Variants in ZC3H6 observed in about 807,000 individuals in gnomAD.
ZC3H6 encodes the protein zinc finger CCCH domain-containing protein 6.
ZC3H6 carries 40 observed loss-of-function variants against 107.7 expected under a neutral mutation model. That is an observed-to-expected ratio of 0.37 (90% CI 0.29 to 0.48). The LOEUF is 0.48. Among genes scored for constraint, ZC3H6 ranks in the 20% least tolerant of loss-of-function variants. The pLI is 0.98. For missense variants in ZC3H6, 1,267 were observed against 1,410.4 expected (o/e 0.90, Z 1.63); for synonymous variants, 493 against 487.9 (o/e 1.01, Z -0.14).
intron 3 of ZC3H6, 62 bp from the exon 4 acceptor site, chr2:112,309,823 G>C (rs1676560682): frequency 6.8e-7 from 1 of 1,479,578 alleles, no homozygotes; most frequent in South Asian, 1.3e-5. Flanking sequence ...GATGTCCTGT[G>C]CTACTGTCAA....
At position 112,324,359 on chromosome 2, in the gene ZC3H6, A is replaced by C; in HGVS notation, c.1548A>C (p.Pro516=). ...CTGGTCTACCAGTGCCACAGAGCCC[A>C]CCTTTACCACCTGGTCCACCTGAAA... ...GPPGLPVPQS[P]PLPPGPPEIV... The change falls in exon 10 of 12, where the codon CCA becomes CCC. Residue 516 remains proline, a synonymous_variant. Coordinates refer to ENST00000409871, the MANE Select transcript of ZC3H6 (RefSeq NM_198581.3). 6.2e-7 allele frequency: 1 copy of C among 1,613,954 alleles called. No homozygotes were observed. Among genetic ancestry groups the C allele is most frequent in the South Asian group, 1.1e-5 (1 of 91,084 alleles).
intron 1 of ZC3H6, among the ~76,000 whole-genome samples, chr2:112,286,582 C>A (rs113428223): frequency 6.6e-6 from 1 of 152,168 alleles, no homozygotes; most frequent in Non-Finnish European, 1.5e-5. Context: ...GGACTATGGG[C>A]GCACAACACC....
At position 112,332,233 on chromosome 2, in the gene ZC3H6, C is replaced by A; in HGVS notation, c.3315C>A (p.Val1105=). 6.2e-7 allele frequency: 1 copy of A among 1,613,954 alleles called. No individual in the cohort carries two copies. Among genetic ancestry groups the A allele is most frequent in the Non-Finnish European group, 8.5e-7 (1 of 1,179,876 alleles). The change falls in exon 12 of 12, where the codon GTC becomes GTA. Residue 1105 remains valine (V), a synonymous_variant. Transcript: ENST00000409871. ...AAAAACCCAGTCCAAACGTGGGAGT[C>A]ACTCTTGAGGGGCCAGCTGACCCAC... ...LPQKPSPNVG[V]TLEGPADPQA... is the part of the protein sequence containing the mutation.
At chr2:112,330,304 C>T (rs961192821) in intron 11 of ZC3H6, among the ~76,000 whole-genome samples, 3 of 152,100 alleles carry the variant, frequency 2.0e-5, no homozygotes, top group Admixed American at 1.3e-4. Context: ...CCGCCCACCT[C>T]GGCCTCCCAA....
intron 1 of ZC3H6, among the ~76,000 whole-genome samples, chr2:112,298,164 AT>A (rs1466161548): frequency 8.4e-6 from 1 of 119,230 alleles, no homozygotes; most frequent in Non-Finnish European, 1.7e-5. Context: ...TAAAAAATTT[AT>A]TTTTTTCAGA....
At chr2:112,319,453 C>T (rs1415693505) in intron 7 of ZC3H6, among the ~76,000 whole-genome samples, 2 of 152,148 alleles carry the variant, frequency 1.3e-5, no homozygotes, top group Non-Finnish European at 2.9e-5. Context: ...CAAGACCAAC[C>T]TGGCCAACAT....
chr2:112,330,383 A>C (rs1274998853), intron 11 of ZC3H6, among the ~76,000 whole-genome samples: 1 of 152,164 alleles, frequency 6.6e-6, no homozygotes, highest in Non-Finnish European at 1.5e-5. Context: ...TAATGTTTGA[A>C]TAGCTAATAT....
At chr2:112,305,960 T>A (rs1319366912) in intron 3 of ZC3H6, among the ~76,000 whole-genome samples, 1 of 152,190 alleles carries the variant, frequency 6.6e-6, no homozygotes, top group Non-Finnish European at 1.5e-5. Flanking sequence ...TTTATTTATT[T>A]ATTTGAGACA....
chr2:112,275,837 G>A lies in ZC3H6; in HGVS notation c.-158G>A. 1 of 565,532 alleles carries A rather than the reference G, an allele frequency of 1.8e-6. No homozygotes were observed. Among genetic ancestry groups the A allele is most frequent in the Non-Finnish European group, 3.1e-6 (1 of 318,410 alleles). The allele number at this position is 565,532 out of a possible 1,614,324, so 35.0% of individuals were successfully genotyped here. A position where few individuals can be genotyped will look rare whatever the true frequency, so the allele number is the denominator to read the frequency against. ...TTAATAGACTGGAAAGTCTGTGTCT[G>A]TGTCGCTCACTAGTAACCGTGAGTT... On this transcript the variant is annotated 5_prime_UTR_variant, in exon 1 of 12. It adds an upstream start codon to the 5' untranslated region. Coordinates refer to ENST00000409871, the MANE Select transcript of ZC3H6 (RefSeq NM_198581.3).
rs577752751 is a variant in ZC3H6, at chr2:112,333,753, A to G, written c.*1265A>G. The G allele has an allele frequency of 6.6e-6, 1 of 152,248 alleles. No homozygotes were observed. Among genetic ancestry groups the G allele is most frequent in the South Asian group, 2.1e-4 (1 of 4,834 alleles). The allele number at this position is 152,248 out of a possible 1,614,324, so 9.4% of individuals were successfully genotyped here. ...CAGGTGTAGGACAGTGTTTGCTGGTAACAACTCCAATGTGTATTAATAACT... is the reference window on the plus strand; with the variant it reads ...CAGGTGTAGGACAGTGTTTGCTGGTGACAACTCCAATGTGTATTAATAACT... On this transcript the variant is annotated 3_prime_UTR_variant, in exon 12 of 12. Coordinates refer to ENST00000409871, the MANE Select transcript of ZC3H6 (RefSeq NM_198581.3).
chr2:112,307,370 G>C (rs1040106569), intron 3 of ZC3H6, among the ~76,000 whole-genome samples: 5 of 152,000 alleles, frequency 3.3e-5, no homozygotes, highest in Non-Finnish European at 7.4e-5. Flanking sequence ...TGTGGGGCTT[G>C]TTTTTGTTTT....
chr2:112,295,588 T>C (rs1049777852), intron 1 of ZC3H6, among the ~76,000 whole-genome samples: 1 of 152,162 alleles, frequency 6.6e-6, no homozygotes, highest in Non-Finnish European at 1.5e-5. Context: ...CACACATGCT[T>C]TCCACATGCG....
At chr2:112,326,307 T>C (rs1237666667) in intron 11 of ZC3H6, among the ~76,000 whole-genome samples, 1 of 152,126 alleles carries the variant, frequency 6.6e-6, no homozygotes, top group East Asian at 1.9e-4. Flanking sequence ...CTAGGTCTTA[T>C]TCATTCTTTT....
intron 1 of ZC3H6, among the ~76,000 whole-genome samples, chr2:112,293,347 T>A (rs1558948165): frequency 1.3e-5 from 2 of 152,028 alleles, no homozygotes; most frequent in Non-Finnish European, 2.9e-5. Flanking sequence ...CTGTAAATAG[T>A]CAAAAAGGGG....
At chr2:112,329,829 C>T (rs1476172319) in intron 11 of ZC3H6, among the ~76,000 whole-genome samples, 1 of 152,116 alleles carries the variant, frequency 6.6e-6, no homozygotes. Flanking sequence ...CAGTAGATAC[C>T]TTGTGGCCAA....
chr2:112,289,980 G>A (rs1573948352), intron 1 of ZC3H6, among the ~76,000 whole-genome samples: 1 of 152,062 alleles, frequency 6.6e-6, no homozygotes, highest in Non-Finnish European at 1.5e-5. Context: ...GGCTTGACCA[G>A]TTCACCCTCC....
Position 112,316,596 on chromosome 2 carries a change from T to C in ZC3H6, c.864+10T>C, listed in dbSNP as rs1194806810. The C allele has an allele frequency of 2.0e-6, 3 of 1,512,942 alleles. No homozygotes were observed. The highest frequency in any genetic ancestry group is 1.4e-5 in the African/African-American group (1 of 72,098). 93.7% of individuals were successfully genotyped at this position (1,512,942 alleles called of 1,614,324 possible). On this transcript the variant is annotated intron_variant, in intron 6 of 11. Transcript: ENST00000409871. ...AGGGAGGTGTATTAAGGTAAATTTA[T>C]AGAGGTATCATAAGTCATTTTAACT...
chr2:112,308,719 G>A (rs62160223), intron 3 of ZC3H6, among the ~76,000 whole-genome samples: 96,517 of 147,928 alleles, frequency 0.65, 33,383 homozygotes, highest in African/African-American at 0.9. Context: ...GGCGTGAACC[G>A]CTGTGCCCGG....
chr2:112,304,291 A>G (rs1464070525), intron 3 of ZC3H6, among the ~76,000 whole-genome samples: 2 of 152,230 alleles, frequency 1.3e-5, no homozygotes, highest in Non-Finnish European at 2.9e-5. Flanking sequence ...AAAAGAATAC[A>G]TAATGTATTA....
Sources: allele counts gnomAD v4.1 joint callset (sites outside exome capture counted in the v4.1 genomes callset), GRCh38; gene constraint gnomAD v4.1.1; transcripts MANE v1.5; gene names NCBI Gene and HGNC (gene_info 2026-07-23, HGNC 2026-07-21).